Variants in LRRK2 observed in about 807,000 individuals in gnomAD.
LRRK2 encodes the protein leucine-rich repeat serine/threonine-protein kinase 2.
LRRK2 carries 203 observed loss-of-function variants against 302.6 expected under a neutral mutation model. That is an observed-to-expected ratio of 0.67 (90% CI 0.60 to 0.75). The LOEUF is 0.75. Among genes scored for constraint, LRRK2 ranks in the 30% least tolerant of loss-of-function variants. The pLI, the probability that LRRK2 is intolerant of heterozygous loss-of-function variation, is 0.00. For synonymous variants in LRRK2, 1,066 were observed against 1,031.9 expected, an observed-to-expected ratio of 1.03 and a Z score of -0.63; for missense variants, 2,830 against 2,951.0, an observed-to-expected ratio of 0.96 and a Z score of 0.95.
chr12:40,294,128 CTATCATCT>C (rs1009804646), intron 21 of LRRK2, among the ~76,000 whole-genome samples: 6 of 110,318 alleles, frequency 5.4e-5, no homozygotes, highest in Admixed American at 1.1e-4. Context: ...ATCTATCTAT[CTATCATCT>C]ATCTATCTAT....
chr12:40,365,034 G>C lies in LRRK2; in HGVS notation c.7374G>C (p.Met2458Ile), dbSNP rs765994542. Residue 2458 changes from methionine to isoleucine, a missense_variant, in exon 49 of 51, where the codon ATG becomes ATC. Coordinates refer to ENST00000298910, the MANE Select transcript of LRRK2 (RefSeq NM_198578.4). The part of the protein sequence containing the change: ...IYNFCNSVRV[M>I]MTAQLGSLKN... The stretch of plus-strand genomic sequence containing the variant: ...ACTTTTGTAATTCGGTCAGAGTCAT[G>C]ATGACAGCACAGCTAGGCAAGTTTC... 6.2e-7 allele frequency: 1 copy of C among 1,612,272 alleles called. No individual in the cohort carries two copies. Among genetic ancestry groups the C allele is most frequent in the Non-Finnish European group, 8.5e-7 (1 of 1,178,804 alleles).
At chr12:40,241,959 T>A (rs1443539511) in intron 6 of LRRK2, among the ~76,000 whole-genome samples, 1 of 152,350 alleles carries the variant, frequency 6.6e-6, no homozygotes, top group East Asian at 1.9e-4. Context: ...ACAAACTGAA[T>A]ATGTTTTTCA....
intron 41 of LRRK2, among the ~76,000 whole-genome samples, chr12:40,343,625 C>T (rs1946113051): frequency 6.6e-6 from 1 of 152,136 alleles, no homozygotes; most frequent in Non-Finnish European, 1.5e-5. Flanking sequence ...TGTTAAAATG[C>T]AGGCTTCTCT....
At chr12:40,295,249 T>C (rs1446378423) in intron 22 of LRRK2, among the ~76,000 whole-genome samples, 178 bp from the exon 23 acceptor site, 3 of 152,040 alleles carry the variant, frequency 2.0e-5, no homozygotes, top group Non-Finnish European at 2.9e-5. Context: ...CCTGATTAAA[T>C]GCTTTTTATT....
At position 40,257,235 on chromosome 12, in the gene LRRK2, T is replaced by A. The variant is rs199804162; in HGVS notation, c.1289-13T>A. The A allele has an allele frequency of 6.1e-5, 93 of 1,517,998 alleles. No individual in the cohort carries two copies. In the African/African-American group the frequency reaches 1.1e-3, roughly 18 times the overall value. 94.0% of individuals were successfully genotyped at this position (1,517,998 alleles called of 1,614,324 possible). The stretch of plus-strand genomic sequence containing the variant: ...GCTTTCATATCTATAAGTAACATTT[T>A]AAAAAATCTCAGTTAATTTCAGAAA... On this transcript the variant is annotated splice_polypyrimidine_tract_variant and intron_variant, in intron 11 of 50. Transcript: ENST00000298910.
chr12:40,311,188 G>A (rs1945024591), intron 31 of LRRK2, among the ~76,000 whole-genome samples: 1 of 151,990 alleles, frequency 6.6e-6, no homozygotes, highest in South Asian at 2.1e-4. Context: ...ATTTAGTCAT[G>A]AAGACCACTA....
In LRRK2 at chr12:40,243,556, A is replaced by T. The variant is rs28365216; in HGVS notation, c.713A>T (p.Asn238Ile). Residue 238 changes from asparagine (N) to isoleucine (I), a missense_variant, in exon 7 of 51, where the codon AAT becomes ATT. Physicochemically the swap from Asn to Ile is moderately radical, Grantham distance 149. Around this residue, in one of 3 missense-constraint regions of LRRK2, gnomAD observed 2,121 missense variants for 2,148.0 expected, o/e 0.99. Transcript: ENST00000298910. Reference protein sequence around the residue: ...CLHSLAIPCNNVEVLMSGNVR... With the variant: ...CLHSLAIPCNIVEVLMSGNVR... ...ATGATCTCTTTAAATTCAGGCAATA[A>T]TGTGGAAGTCCTCATGAGTGGCAAT... 6.4e-5 allele frequency: 103 copies of T among 1,611,392 alleles called. No individual in the cohort carries two copies. The East Asian group carries it at 2.3e-3, about 36-fold the overall frequency.
At chr12:40,290,362 C>T (rs938455445) in intron 20 of LRRK2, among the ~76,000 whole-genome samples, 6 of 151,882 alleles carry the variant, frequency 4.0e-5, no homozygotes, top group Non-Finnish European at 7.4e-5. Flanking sequence ...AGATATTAGT[C>T]TGTAGTTTTA....
At chr12:40,229,556 T>C (rs1439284770) in intron 2 of LRRK2, among the ~76,000 whole-genome samples, 1 of 152,222 alleles carries the variant, frequency 6.6e-6, no homozygotes, top group Non-Finnish European at 1.5e-5. Flanking sequence ...GGGTTCAACC[T>C]TTGAAGAAGG....
chr12:40,270,076 A>T (rs1943171640), intron 14 of LRRK2, among the ~76,000 whole-genome samples: 1 of 152,116 alleles, frequency 6.6e-6, no homozygotes. Flanking sequence ...TTTCACTTAG[A>T]GTTGTTGAAT....
Position 40,368,707 on chromosome 12 carries a change from T to G in LRRK2, c.*942T>G, listed in dbSNP as rs182229935. On this transcript the variant is annotated 3_prime_UTR_variant, in exon 51 of 51. Transcript: ENST00000298910. Reference sequence around the variant, plus strand: ...ATAGAAACCTTTTTTTTTTTCAGAATTATAGAATTCCACAGCTCCTACCAA... The same window carrying G: ...ATAGAAACCTTTTTTTTTTTCAGAAGTATAGAATTCCACAGCTCCTACCAA... 6.7e-6 allele frequency: 1 copy of G among 149,598 alleles called. No homozygotes were observed. Among genetic ancestry groups the G allele is most frequent in the East Asian group, 1.9e-4 (1 of 5,220 alleles). The allele number at this position is 149,598 out of a possible 1,614,324, so 9.3% of individuals were successfully genotyped here. A position where few individuals can be genotyped will look rare whatever the true frequency, so the allele number is the denominator to read the frequency against.
At chr12:40,338,293 A>G (rs780927276) in intron 40 of LRRK2, among the ~76,000 whole-genome samples, 1 of 152,208 alleles carries the variant, frequency 6.6e-6, no homozygotes, top group Non-Finnish European at 1.5e-5. Flanking sequence ...ATGGCTTTGT[A>G]TACTAAATGA....
At position 40,340,427 on chromosome 12, in the gene LRRK2, G is replaced by C; in HGVS notation, c.6082G>C (p.Gly2028Arg). Residue 2028 changes from glycine (G) to arginine (R), a missense_variant, in exon 41 of 51, where the codon GGG becomes CGG. Around this residue, in one of 3 missense-constraint regions of LRRK2, gnomAD observed 253 missense variants for 346.7 expected, o/e 0.73. Coordinates refer to ENST00000298910, the MANE Select transcript of LRRK2 (RefSeq NM_198578.4). ...YGIAQYCCRM[G>R]IKTSEGTPGF... The stretch of plus-strand genomic sequence containing the variant: ...CATTGCTCAGTACTGCTGTAGAATG[G>C]GGATAAAAACATCAGAGGGCACACC... 6.2e-7 allele frequency: 1 copy of C among 1,613,800 alleles called. No individual in the cohort carries two copies. Among genetic ancestry groups the C allele is most frequent in the Non-Finnish European group, 8.5e-7 (1 of 1,179,794 alleles).
intron 41 of LRRK2, among the ~76,000 whole-genome samples, chr12:40,341,013 G>T (rs1344922300): frequency 6.6e-6 from 1 of 152,160 alleles, no homozygotes; most frequent in African/African-American, 2.4e-5. Flanking sequence ...GGGGCTGGCC[G>T]TGACCCTACT....
chr12:40,229,928 C>A (rs2708440), intron 2 of LRRK2, among the ~76,000 whole-genome samples: 1 of 147,838 alleles, frequency 6.8e-6, no homozygotes, highest in East Asian at 2.0e-4. Flanking sequence ...TTTGTAGGTA[C>A]AGAGATGAGT....
chr12:40,284,586 T>C (rs1943844310), intron 19 of LRRK2, among the ~76,000 whole-genome samples: 1 of 152,178 alleles, frequency 6.6e-6, no homozygotes, highest in South Asian at 2.1e-4. Flanking sequence ...CATTTTTAAC[T>C]TAGAATATAC....
intron 25 of LRRK2, among the ~76,000 whole-genome samples, chr12:40,299,812 G>A (rs1040243314): frequency 6.6e-6 from 1 of 152,056 alleles, no homozygotes; most frequent in Non-Finnish European, 1.5e-5. Context: ...TTAATAATAG[G>A]GGAAAATGTG....
chr12:40,309,611 G>A (rs1944968814), intron 30 of LRRK2, among the ~76,000 whole-genome samples: 1 of 151,912 alleles, frequency 6.6e-6, no homozygotes, highest in Admixed American at 6.6e-5. Context: ...TTTGTACTCA[G>A]GGGCCATTTA....
In LRRK2 at chr12:40,320,105, T is replaced by C. The variant is rs551217200; in HGVS notation, c.4945T>C (p.Tyr1649His). 6.2e-7 allele frequency: 1 copy of C among 1,611,794 alleles called. No individual in the cohort carries two copies. The highest frequency in any genetic ancestry group is 1.1e-5 in the South Asian group (1 of 90,760). ...RKFPKNYMSQ[Y>H]FKLLEKFQIA... Reference sequence around the variant, plus strand: ...ATTTCCAAAGAACTACATGTCACAGTATTTTAAGCTCCTAGAAAAATTCCA... The same window carrying C: ...ATTTCCAAAGAACTACATGTCACAGCATTTTAAGCTCCTAGAAAAATTCCA... Residue 1649 changes from tyrosine to histidine, a missense_variant, in exon 34 of 51, where the codon TAT (tyrosine) becomes CAT (histidine). Around this residue, in one of 3 missense-constraint regions of LRRK2, gnomAD observed 2,121 missense variants for 2,148.0 expected, o/e 0.99. Coordinates refer to ENST00000298910, the MANE Select transcript of LRRK2 (RefSeq NM_198578.4).
Sources: allele counts gnomAD v4.1 joint callset (sites outside exome capture counted in the v4.1 genomes callset), GRCh38; gene constraint gnomAD v4.1.1; regional missense constraint gnomAD v4.1.1; transcripts MANE v1.5; gene names NCBI Gene and HGNC (gene_info 2026-07-23, HGNC 2026-07-21).